TF: variants seen among roughly 807,000 people sequenced by gnomAD.
TF encodes the protein serotransferrin.
In TF, 55 loss-of-function variants were observed where a neutral mutation model predicts 82.4. That is an observed-to-expected ratio of 0.67 (90% confidence interval 0.54 to 0.84). The LOEUF (loss-of-function observed/expected upper bound fraction) is 0.84, where lower values mean the gene tolerates loss of function less well. TF is among the 40% of genes least tolerant of loss of function. The pLI is 0.00. For synonymous variants in TF, 332 were observed against 332.6 expected (o/e 1.00, Z 0.02); for missense variants, 737 against 868.4 (o/e 0.85, Z 1.90).
At chr3:133,726,898 C>T in the TF span, among the ~76,000 whole-genome samples, 19 of 152,064 alleles carry the variant, frequency 1.2e-4, no homozygotes, top group African/African-American at 2.7e-4. Context: ...TTTATTTCTG[C>T]CTTCATTTTG....
chr3:133,770,229 C>T (rs1049947818), intron 13 of TF, among the ~76,000 whole-genome samples: 2 of 152,162 alleles, frequency 1.3e-5, no homozygotes, highest in Admixed American at 6.5e-5. Flanking sequence ...AAAATCAATT[C>T]CCTACTATCC....
the TF span, among the ~76,000 whole-genome samples, chr3:133,706,201 C>T: frequency 6.6e-6 from 1 of 152,246 alleles, no homozygotes; most frequent in Non-Finnish European, 1.5e-5. Flanking sequence ...AAGGTCCACA[C>T]TGGGGCCCAT....
At chr3:133,720,445 C>T in the TF span, among the ~76,000 whole-genome samples, 1 of 152,076 alleles carries the variant, frequency 6.6e-6, no homozygotes, top group Non-Finnish European at 1.5e-5. Flanking sequence ...TGGGGTGAAT[C>T]CCACTTGATT....
chr3:133,724,050 A>T, the TF span, among the ~76,000 whole-genome samples: 14 of 152,126 alleles, frequency 9.2e-5, no homozygotes, highest in South Asian at 4.1e-4. Flanking sequence ...TAATCCAGTC[A>T]ATCATTATTG....
In TF at chr3:133,748,499, A is replaced by G; in HGVS notation, c.131A>G (p.His44Arg). The G allele has an allele frequency of 1.2e-6, 2 of 1,614,164 alleles. No homozygotes were observed. Among genetic ancestry groups the G allele is most frequent in the South Asian group, 1.1e-5 (1 of 91,084 alleles). ...EATKCQSFRD[H>R]MKSVIPSDGP... ...ACTAAGTGCCAGAGTTTCCGCGACC[A>G]TATGAAAAGCGTCATTCCATCCGAT... The change falls in exon 2 of 17, where the codon CAT becomes CGT. Residue 44 changes from histidine (H) to arginine (R), a missense_variant. Transcript: ENST00000402696.
chr3:133,747,708 G>A lies in TF; in HGVS notation c.44-704G>A, dbSNP rs41298283. ...GGGATAGTTCAGTGGAGACAGAGGG[G>A]AGACTGTTGAATTTGTGGAGTTTTT... On this transcript the variant is annotated intron_variant, in intron 1 of 16. Transcript: ENST00000402696. Among the ~76,000 whole-genome samples the A allele has an allele frequency of 6.5e-3, 989 of 152,338 alleles. 10 individuals are homozygous for A. Among genetic ancestry groups the A allele is most frequent in the African/African-American group, 0.022 (934 of 41,576 alleles).
At position 133,793,434 on chromosome 3, in the gene TF, C is replaced by T. The variant is rs1180129595; in HGVS notation, c.*14814C>T. On this transcript the variant is annotated 3_prime_UTR_variant, in exon 17 of 17. Transcript: ENST00000402696. ...GAGATGCTGCAGAGGGCCCCTGAAG[C>T]ATCCAAAAGAGAGGTAAACAGAATT... The T allele has an allele frequency of 1.3e-5, 2 of 151,980 alleles. No individual in the cohort carries two copies. Among genetic ancestry groups the T allele is most frequent in the African/African-American group, 2.4e-5 (1 of 41,380 alleles). 9.4% of individuals were successfully genotyped at this position (151,980 alleles called of 1,614,324 possible). A position where few individuals can be genotyped will look rare whatever the true frequency, so the allele number is the denominator to read the frequency against.
chr3:133,723,446 C>A, the TF span, among the ~76,000 whole-genome samples: 1 of 149,976 alleles, frequency 6.7e-6, no homozygotes, highest in African/African-American at 2.4e-5. Flanking sequence ...CCCATAAGTA[C>A]CATAGGGTTT....
chr3:133,757,780 C>A lies in TF; in HGVS notation c.882C>A (p.Gly294=). ...TTTTCTATGAACAGGAACATTTTGG[C>A]AAAGACAAATCAAAAGAATTCCAAC... is the stretch of plus-strand genomic sequence containing the variant. ...ELLNQAQEHF[G]KDKSKEFQLF... The change falls in exon 8 of 17, where the codon GGC becomes GGA. Residue 294 remains glycine, a synonymous_variant. Coordinates refer to ENST00000402696, the MANE Select transcript of TF (RefSeq NM_001063.4). 2 of 1,614,146 alleles carry A rather than the reference C, an allele frequency of 1.2e-6. No individual in the cohort carries two copies. The highest frequency in any genetic ancestry group is 2.7e-5 in the African/African-American group (2 of 75,058).
At chr3:133,679,939 G>C in the TF span, among the ~76,000 whole-genome samples, 3 of 152,152 alleles carry the variant, frequency 2.0e-5, no homozygotes, top group Non-Finnish European at 4.4e-5. Flanking sequence ...ACCATGTCCT[G>C]CCAGTGCTTG....
the TF span, among the ~76,000 whole-genome samples, chr3:133,727,378 C>A: frequency 2.0e-5 from 3 of 147,606 alleles, no homozygotes; most frequent in East Asian, 6.0e-4. Flanking sequence ...GTTAGCTCTT[C>A]TTGTTGAATT....
chr3:133,751,132 A>G (rs541695211), intron 2 of TF, among the ~76,000 whole-genome samples: 1 of 152,236 alleles, frequency 6.6e-6, no homozygotes, highest in African/African-American at 2.4e-5. Context: ...TTAGCCTTAA[A>G]AATAAATGAA....
chr3:133,725,989 G>A, the TF span, among the ~76,000 whole-genome samples: 2 of 152,164 alleles, frequency 1.3e-5, no homozygotes, highest in Non-Finnish European at 2.9e-5. Flanking sequence ...AACCAGCCTT[G>A]CATCCCAGGG....
At chr3:133,746,532 C>G in intron 1 of TF, 49 bp downstream of exon 1, 1 of 1,560,304 alleles carries the variant, frequency 6.4e-7, no homozygotes, top group Non-Finnish European at 8.6e-7. Context: ...CCCGCGCGTT[C>G]CCTGCAACCC....
chr3:133,748,178 G>A, intron 1 of TF: 1 of 579,048 alleles, frequency 1.7e-6, no homozygotes, highest in Admixed American at 2.8e-5. Context: ...GGCCATGCCT[G>A]CACCCCTCTG....
intron 15 of TF, 23 bp from the exon 16 acceptor site, chr3:133,777,026 C>A (rs774406753): frequency 9.3e-6 from 15 of 1,612,322 alleles, no homozygotes; most frequent in East Asian, 2.2e-5. Flanking sequence ...AAGGTCCTCA[C>A]GGACTTTCTG....
chr3:133,694,650 G>A, the TF span, among the ~76,000 whole-genome samples: 1 of 152,176 alleles, frequency 6.6e-6, no homozygotes, highest in South Asian at 2.1e-4. Flanking sequence ...ACACAGGTCT[G>A]GGCTTTTGGC....
chr3:133,741,421 C>T (rs572122241), upstream of TF, among the ~76,000 whole-genome samples: 5 of 151,990 alleles, frequency 3.3e-5, no homozygotes, highest in African/African-American at 1.2e-4. Context: ...CTTTTTCTTG[C>T]CTGACTAAAC....
At chr3:133,665,714 G>A in the TF span, among the ~76,000 whole-genome samples, 1 of 151,876 alleles carries the variant, frequency 6.6e-6, no homozygotes, top group African/African-American at 2.4e-5. Flanking sequence ...GGAGGCCGAG[G>A]TGGGCAGATC....
Sources: gnomAD v4.1 joint callset for allele counts (sites outside exome capture counted in the v4.1 genomes callset) on GRCh38, gnomAD v4.1.1 for gene constraint, MANE v1.5 for transcripts, NCBI Gene and HGNC (gene_info 2026-07-23, HGNC 2026-07-21) for gene names.